Variants in SYN3 observed in about 807,000 individuals in gnomAD.
SYN3 encodes the protein synapsin III.
In SYN3, 35 loss-of-function variants were observed where a neutral mutation model predicts 65.8. The ratio of observed to expected loss-of-function variants is 0.53; its 90% CI spans 0.41 to 0.70. SYN3 has a LOEUF of 0.70. SYN3 is among the 30% of genes least tolerant of loss of function. SYN3 has a pLI of 0.00. For synonymous variants in SYN3, 270 were observed against 292.9 expected (o/e 0.92, Z 0.80); for missense variants, 680 against 749.0 (o/e 0.91, Z 1.08).
intron 6 of SYN3, among the ~76,000 whole-genome samples, chr22:32,661,999 T>C (rs2060223231): frequency 6.6e-6 from 1 of 152,148 alleles, no homozygotes. Context: ...CCAAGTTTAG[T>C]TATAAATCTC....
At chr22:32,906,557 G>T (rs998785393) in intron 4 of SYN3, among the ~76,000 whole-genome samples, 2 of 151,974 alleles carry the variant, frequency 1.3e-5, no homozygotes, top group African/African-American at 4.8e-5. Flanking sequence ...TGTTACATAG[G>T]TACACATGTG....
chr22:32,798,404 A>G (rs2046480399), intron 6 of SYN3, among the ~76,000 whole-genome samples: 1 of 152,166 alleles, frequency 6.6e-6, no homozygotes, highest in Non-Finnish European at 1.5e-5. Context: ...CACTTCTCTG[A>G]ACCTTATTTT....
chr22:32,632,170 G>C (rs2146823985), intron 6 of SYN3, among the ~76,000 whole-genome samples: 1 of 152,358 alleles, frequency 6.6e-6, no homozygotes, highest in African/African-American at 2.4e-5. Context: ...CACCAGGCAG[G>C]GTGTGGAGCC....
intron 4 of SYN3, among the ~76,000 whole-genome samples, chr22:32,907,780 C>T (rs1038407793): frequency 5.3e-5 from 8 of 152,164 alleles, no homozygotes; most frequent in African/African-American, 1.9e-4. Flanking sequence ...CCAATTCTTA[C>T]CATACATGGC....
At chr22:32,972,058 G>C (rs1450872731) in intron 3 of SYN3, among the ~76,000 whole-genome samples, 4 of 152,280 alleles carry the variant, frequency 2.6e-5, no homozygotes, top group Middle Eastern at 3.4e-3. Context: ...GGAAGAGGCA[G>C]CTCTCCTCAT....
At chr22:32,976,924 CA>C (rs2052207473) in intron 3 of SYN3, among the ~76,000 whole-genome samples, 1 of 151,888 alleles carries the variant, frequency 6.6e-6, no homozygotes, top group South Asian at 2.1e-4. Context: ...AATGTGAGGC[CA>C]GCTCAGACTA....
intron 4 of SYN3, among the ~76,000 whole-genome samples, chr22:32,883,337 T>A (rs1028612055): frequency 6.6e-6 from 1 of 152,210 alleles, no homozygotes; most frequent in East Asian, 1.9e-4. Flanking sequence ...AGGATCTTGA[T>A]GGCTTCCAGC....
At chr22:33,037,647 A>C (rs184884457) in intron 1 of SYN3, among the ~76,000 whole-genome samples, 1 of 152,170 alleles carries the variant, frequency 6.6e-6, no homozygotes. Flanking sequence ...GAGACTCAGA[A>C]AGGTTCGGTA....
intron 6 of SYN3, among the ~76,000 whole-genome samples, chr22:32,833,255 G>A (rs1416363368): frequency 6.6e-6 from 1 of 152,132 alleles, no homozygotes; most frequent in African/African-American, 2.4e-5. Context: ...CGAAGGACAT[G>A]GGACCATGTC....
chr22:32,920,309 T>C (rs1378442786), intron 4 of SYN3, among the ~76,000 whole-genome samples: 1 of 152,240 alleles, frequency 6.6e-6, no homozygotes, highest in Non-Finnish European at 1.5e-5. Flanking sequence ...CCCTTCTGTC[T>C]GTATAAACAT....
chr22:32,846,800 C>T (rs2048076740), intron 6 of SYN3, among the ~76,000 whole-genome samples: 2 of 152,152 alleles, frequency 1.3e-5, no homozygotes, highest in Admixed American at 1.3e-4. Flanking sequence ...AGGAAAGAGC[C>T]CCAGAGAGAT....
At chr22:32,981,155 G>A (rs1185033154) in intron 2 of SYN3, among the ~76,000 whole-genome samples, 1 of 151,074 alleles carries the variant, frequency 6.6e-6, no homozygotes, top group Admixed American at 6.6e-5. Flanking sequence ...GCGCCTGGCC[G>A]ATTTTCTCAT....
chr22:32,910,055 A>C (rs1255309703), intron 4 of SYN3, among the ~76,000 whole-genome samples: 1 of 152,176 alleles, frequency 6.6e-6, no homozygotes, highest in East Asian at 1.9e-4. Flanking sequence ...AGGCTTAGCA[A>C]AAAGCCACTG....
intron 2 of SYN3, among the ~76,000 whole-genome samples, chr22:33,001,210 G>T (rs777141201): frequency 6.6e-6 from 1 of 152,140 alleles, no homozygotes; most frequent in Non-Finnish European, 1.5e-5. Flanking sequence ...ATTAAAGTGT[G>T]GCCATAGGAC....
At chr22:32,971,845 G>T (rs376160741) in intron 3 of SYN3, among the ~76,000 whole-genome samples, 4 of 152,198 alleles carry the variant, frequency 2.6e-5, no homozygotes, top group East Asian at 1.9e-4. Flanking sequence ...CTGGAAGGGG[G>T]AAGAAAAGAA....
intron 7 of SYN3, among the ~76,000 whole-genome samples, chr22:32,563,675 G>GT (rs1217865968): frequency 1.3e-5 from 2 of 152,026 alleles, no homozygotes. Flanking sequence ...AGCCCTGCTA[G>GT]TTTTTTTGTT....
intron 6 of SYN3, among the ~76,000 whole-genome samples, chr22:32,673,560 G>A (rs2060401331): frequency 2.6e-5 from 4 of 152,242 alleles, no homozygotes; most frequent in Non-Finnish European, 5.9e-5. Flanking sequence ...CCATGATAGT[G>A]GAAGGTTGGC....
At chr22:32,997,798 G>A (rs1042007336) in intron 2 of SYN3, among the ~76,000 whole-genome samples, 4 of 151,948 alleles carry the variant, frequency 2.6e-5, no homozygotes, top group Admixed American at 1.3e-4. Context: ...AGGCCGAGGC[G>A]GGCAGATCAC....
intron 7 of SYN3, among the ~76,000 whole-genome samples, chr22:32,559,787 G>A (rs1005771595): frequency 1.3e-5 from 2 of 149,118 alleles, no homozygotes; most frequent in Admixed American, 6.8e-5. Context: ...CCCAGATAGC[G>A]CCACTGCCCT....
Sources: gnomAD v4.1 joint callset for allele counts (sites outside exome capture counted in the v4.1 genomes callset) on GRCh38, gnomAD v4.1.1 for gene constraint, MANE v1.5 for transcripts, NCBI Gene and HGNC (gene_info 2026-07-23, HGNC 2026-07-21) for gene names.